ZNF407: variants seen among roughly 807,000 people sequenced by gnomAD.
The protein encoded by ZNF407 is zinc finger protein 407.
A neutral mutation model predicts 131.2 loss-of-function variants in ZNF407; 17 were observed. The ratio of observed to expected loss-of-function variants is 0.13; its 90% confidence interval spans 0.09 to 0.19. The LOEUF is 0.19. ZNF407 is among the 10% of genes least tolerant of loss of function. The pLI is 1.00. For synonymous variants in ZNF407, 1,156 were observed against 1,062.0 expected, an observed-to-expected ratio of 1.09 and a Z score of -1.72; for missense variants, 2,681 against 2,830.6, an observed-to-expected ratio of 0.95 and a Z score of 1.20.
At chr18:74,819,490 T>A (rs72975426) in intron 4 of ZNF407, among the ~76,000 whole-genome samples, 13,243 of 152,234 alleles carry the variant, frequency 0.087, 654 homozygotes, top group South Asian at 0.17. Flanking sequence ...CCCCAATGTC[T>A]TCCTTGGGCA....
intron 4 of ZNF407, among the ~76,000 whole-genome samples, chr18:74,814,271 C>A (rs1013371989): frequency 3.3e-5 from 5 of 151,984 alleles, no homozygotes; most frequent in African/African-American, 9.7e-5. Flanking sequence ...GTAGCTGGGA[C>A]TACAGGCGTG....
At chr18:74,891,095 TGAG>T (rs1568257422) in intron 7 of ZNF407, among the ~76,000 whole-genome samples, 1 of 152,118 alleles carries the variant, frequency 6.6e-6, no homozygotes, top group Non-Finnish European at 1.5e-5. Flanking sequence ...AAGTACATGA[TGAG>T]GTATGTGTAG....
chr18:74,716,017 T>G (rs1295326381), intron 3 of ZNF407, among the ~76,000 whole-genome samples: 4 of 152,210 alleles, frequency 2.6e-5, no homozygotes, highest in Non-Finnish European at 4.4e-5. Flanking sequence ...GCTTTAGCAG[T>G]ATAGATCAGG....
chr18:75,052,778 A>G (rs6566055), intron 8 of ZNF407, among the ~76,000 whole-genome samples: 146,920 of 152,240 alleles, frequency 0.97, 71,120 homozygotes, highest in East Asian at 1. Context: ...CCTGTGCGGC[A>G]CCCGGTACAC....
chr18:74,767,651 T>C (rs1381741698), intron 3 of ZNF407, among the ~76,000 whole-genome samples: 1 of 1,606 alleles, frequency 6.2e-4, no homozygotes, highest in Non-Finnish European at 0.017. Flanking sequence ...TGAATTCTCT[T>C]TTTTTTTTTT....
At chr18:74,601,329 C>G (rs796249016) in intron 1 of ZNF407, among the ~76,000 whole-genome samples, 10 of 144,862 alleles carry the variant, frequency 6.9e-5, no homozygotes, top group South Asian at 6.8e-4. Flanking sequence ...GTGTGTATGT[C>G]TGTGTGTGTG....
chr18:75,049,051 C>T (rs1973466946), intron 8 of ZNF407, among the ~76,000 whole-genome samples: 1 of 139,478 alleles, frequency 7.2e-6, no homozygotes, highest in Non-Finnish European at 1.5e-5. Flanking sequence ...CTCATGGCCA[C>T]CTCGTTGTTT....
intron 7 of ZNF407, among the ~76,000 whole-genome samples, chr18:74,916,796 G>T (rs1971777136): frequency 6.6e-6 from 1 of 151,534 alleles, no homozygotes; most frequent in Middle Eastern, 3.2e-3. Context: ...GTGTGTGTGT[G>T]TGTGTGTGCA....
chr18:74,907,908 A>G (rs1044454058), intron 7 of ZNF407, among the ~76,000 whole-genome samples: 1 of 152,220 alleles, frequency 6.6e-6, no homozygotes. Flanking sequence ...ATATGATCAA[A>G]CTTATTAAAT....
At chr18:74,696,854 T>C (rs1301972664) in intron 3 of ZNF407, among the ~76,000 whole-genome samples, 3 of 152,150 alleles carry the variant, frequency 2.0e-5, no homozygotes, top group Non-Finnish European at 4.4e-5. Context: ...GGCTGTGATA[T>C]TACAAGCATC....
chr18:74,829,814 G>GT (rs201358901), intron 4 of ZNF407, among the ~76,000 whole-genome samples: 11,976 of 146,274 alleles, frequency 0.082, 596 homozygotes, highest in South Asian at 0.17. Flanking sequence ...AAGAGAGCCT[G>GT]TTTTTTTTTT....
intron 3 of ZNF407, among the ~76,000 whole-genome samples, chr18:74,780,262 A>G (rs565507865): frequency 6.6e-6 from 1 of 152,200 alleles, no homozygotes; most frequent in East Asian, 1.9e-4. Flanking sequence ...TATGAAATTA[A>G]ACAAAATAAA....
At chr18:74,663,335 T>A (rs1474046522) in intron 3 of ZNF407, among the ~76,000 whole-genome samples, 4 of 152,170 alleles carry the variant, frequency 2.6e-5, no homozygotes, top group South Asian at 2.1e-4. Context: ...AGTAAAAGTA[T>A]TATCAATGTC....
intron 3 of ZNF407, among the ~76,000 whole-genome samples, chr18:74,702,702 T>G (rs1449564366): frequency 6.6e-6 from 1 of 152,186 alleles, no homozygotes; most frequent in South Asian, 2.1e-4. Context: ...CACATTTATT[T>G]ATATATAAAT....
chr18:74,727,597 A>G (rs947631599), intron 3 of ZNF407, among the ~76,000 whole-genome samples: 3 of 152,192 alleles, frequency 2.0e-5, no homozygotes, highest in Non-Finnish European at 4.4e-5. Flanking sequence ...TTTTGCCACC[A>G]ACTGATTAAA....
At chr18:74,636,025 T>C (rs937516356) in intron 2 of ZNF407, among the ~76,000 whole-genome samples, 9 of 152,194 alleles carry the variant, frequency 5.9e-5, no homozygotes, top group African/African-American at 2.2e-4. Context: ...AATTATTTGA[T>C]TTTCCAAAGT....
chr18:74,749,390 A>G (rs936031503), intron 3 of ZNF407, among the ~76,000 whole-genome samples: 1 of 152,154 alleles, frequency 6.6e-6, no homozygotes, highest in Non-Finnish European at 1.5e-5. Flanking sequence ...GGCCTGTATC[A>G]ATTCCAGTAA....
chr18:74,780,757 A>G (rs1344664053), intron 3 of ZNF407, among the ~76,000 whole-genome samples: 2 of 152,156 alleles, frequency 1.3e-5, no homozygotes, highest in Non-Finnish European at 2.9e-5. Flanking sequence ...CACTGTGTTC[A>G]GGGGTAGAAT....
chr18:74,771,149 G>A (rs887193284), intron 3 of ZNF407, among the ~76,000 whole-genome samples: 8 of 151,900 alleles, frequency 5.3e-5, no homozygotes, highest in Non-Finnish European at 8.8e-5. Context: ...AACCAAAAGC[G>A]GTATAACATT....
Sources: gnomAD v4.1 joint callset for allele counts (sites outside exome capture counted in the v4.1 genomes callset) on GRCh38, gnomAD v4.1.1 for gene constraint, MANE v1.5 for transcripts, NCBI Gene and HGNC (gene_info 2026-07-23, HGNC 2026-07-21) for gene names.